MAP4K4: variants seen among roughly 807,000 people sequenced by gnomAD.
MAP4K4 encodes mitogen-activated protein kinase kinase kinase kinase 4.
MAP4K4 carries 38 observed loss-of-function variants against 189.6 expected under a neutral mutation model. That is an observed-to-expected ratio of 0.20 (90% CI 0.15 to 0.26). The LOEUF (loss-of-function observed/expected upper bound fraction) is 0.26, where lower values mean the gene tolerates loss of function less well. MAP4K4 is among the 10% of genes least tolerant of loss of function. The pLI is 1.00. For missense variants in MAP4K4, 1,054 were observed against 1,726.9 expected (o/e 0.61, Z 6.91); for synonymous variants, 610 against 624.3 (o/e 0.98, Z 0.34).
At chr2:101,876,959 C>G (rs779931026) in intron 26 of MAP4K4, 44 bp from the exon 27 acceptor site, 1 of 1,606,592 alleles carries the variant, frequency 6.2e-7, no homozygotes, top group Non-Finnish European at 8.5e-7. Context: ...GGGGATTTGC[C>G]AAGCACAGCA....
chr2:101,817,397 T>C (rs2095794099), intron 3 of MAP4K4, among the ~76,000 whole-genome samples: 1 of 152,174 alleles, frequency 6.6e-6, no homozygotes, highest in Non-Finnish European at 1.5e-5. Flanking sequence ...TCCTTGTGGG[T>C]CATTCAGGCA....
At chr2:101,831,139 A>G (rs548394623) in intron 6 of MAP4K4, among the ~76,000 whole-genome samples, 1 of 152,292 alleles carries the variant, frequency 6.6e-6, no homozygotes, top group South Asian at 2.1e-4. Flanking sequence ...ACTTTCCTCT[A>G]GACCACCACC....
chr2:101,894,665 C>T (rs996817729), exon 33 of MAP4K4: 2 of 151,956 alleles, frequency 1.3e-5, no homozygotes, highest in African/African-American at 4.8e-5. Context: ...CCCTTTTTTC[C>T]TTAAATAAAG....
At chr2:101,874,169 A>G (rs1027621147) in exon 26 of MAP4K4, 1 of 1,613,850 alleles carries the variant, frequency 6.2e-7, no homozygotes, top group Non-Finnish European at 8.5e-7. Flanking sequence ...AATCCTACCA[A>G]CACTAGGCCA....
chr2:101,804,881 C>G (rs1575849012), intron 3 of MAP4K4, among the ~76,000 whole-genome samples: 1 of 151,936 alleles, frequency 6.6e-6, no homozygotes, highest in Non-Finnish European at 1.5e-5. Context: ...GGAGGCCAGC[C>G]TGGCCAATGT....
At chr2:101,766,762 A>G (rs539605526) in intron 2 of MAP4K4, among the ~76,000 whole-genome samples, 12 of 152,256 alleles carry the variant, frequency 7.9e-5, no homozygotes, top group African/African-American at 2.6e-4. Flanking sequence ...TGTCTTTTGC[A>G]TAGGTTGAGG....
intron 2 of MAP4K4, among the ~76,000 whole-genome samples, chr2:101,713,292 T>G (rs1198190996): frequency 6.6e-6 from 1 of 152,100 alleles, no homozygotes; most frequent in African/African-American, 2.4e-5. Flanking sequence ...CAGTGATCAA[T>G]TAAAAAATTT....
chr2:101,861,323 A>AG (rs1215779031), intron 16 of MAP4K4: 4 of 190,030 alleles, frequency 2.1e-5, no homozygotes, highest in Non-Finnish European at 4.3e-5. Flanking sequence ...AAATACATAG[A>AG]GGGAGAGCCA....
In MAP4K4 at chr2:101,794,298, A is replaced by G. The variant is rs959259493; in HGVS notation, c.180+3522A>G. On this transcript the variant is annotated intron_variant, in intron 3 of 32. Coordinates refer to ENST00000324219, the Ensembl canonical transcript of MAP4K4. ...TAAAATCTTGCATAACTATAGTACA[A>G]TATTATAACTTAAGTACATGCACAA... Among the ~76,000 whole-genome samples, 5 of 152,330 alleles carry G rather than the reference A, an allele frequency of 3.3e-5. No homozygotes were observed. In the East Asian group the frequency reaches 7.7e-4, roughly 24 times the overall value.
At chr2:101,851,834 C>A (rs1011608730) in intron 12 of MAP4K4, among the ~76,000 whole-genome samples, 1 of 139,620 alleles carries the variant, frequency 7.2e-6, no homozygotes, top group Non-Finnish European at 1.5e-5. Flanking sequence ...AGATTTACCA[C>A]TTTCCACATT....
At chr2:101,877,499 C>T (rs1468890106) in intron 27 of MAP4K4, among the ~76,000 whole-genome samples, 14 of 139,300 alleles carry the variant, frequency 1.0e-4, no homozygotes, top group Admixed American at 8.6e-4. Context: ...TTTTTTGAGA[C>T]GGAGTCTTGC....
In MAP4K4 at chr2:101,870,362, G is replaced by A. The variant is rs200928764; in HGVS notation, c.2707G>A (p.Glu903Lys). The change falls in exon 23 of 33, where the codon GAA becomes AAA. Residue 903 changes from glutamate to lysine, a missense_variant. Physicochemically the swap from Glu to Lys is moderately conservative, Grantham distance 56. Coordinates refer to ENST00000324219, the Ensembl canonical transcript of MAP4K4. ...AACCATGATTGTCCATGATGATGTA[G>A]AAAGTGAGCCGGCCATGACCCCATC... is the stretch of plus-strand genomic sequence containing the variant. 518 of 1,613,584 alleles carry A rather than the reference G, an allele frequency of 3.2e-4. 1 individual carries two copies. Among genetic ancestry groups the A allele is most frequent in the Non-Finnish European group, 6.1e-5 (72 of 1,179,790 alleles).
intron 2 of MAP4K4, among the ~76,000 whole-genome samples, chr2:101,698,779 C>T (rs2036244164): frequency 6.6e-6 from 1 of 152,220 alleles, no homozygotes; most frequent in Non-Finnish European, 1.5e-5. Flanking sequence ...CTTAGGCATG[C>T]ACTTTACTTC....
At chr2:101,768,603 C>T (rs970661734) in intron 2 of MAP4K4, among the ~76,000 whole-genome samples, 4 of 152,092 alleles carry the variant, frequency 2.6e-5, no homozygotes, top group Admixed American at 6.5e-5. Flanking sequence ...TTACCCATCC[C>T]CCAAATAACA....
intron 31 of MAP4K4, among the ~76,000 whole-genome samples, chr2:101,888,580 T>C (rs1472598172): frequency 6.6e-6 from 1 of 152,104 alleles, no homozygotes; most frequent in East Asian, 1.9e-4. Context: ...GAAAATGAAA[T>C]AGATCAACCA....
At chr2:101,868,891 A>G (rs192769339) in intron 21 of MAP4K4, among the ~76,000 whole-genome samples, 255 of 152,140 alleles carry the variant, frequency 1.7e-3, no homozygotes, top group Non-Finnish European at 2.5e-3. Flanking sequence ...AAATGTATAT[A>G]CACAGATCCT....
At chr2:101,735,959 T>C (rs1160575482) in intron 2 of MAP4K4, among the ~76,000 whole-genome samples, 1 of 152,214 alleles carries the variant, frequency 6.6e-6, no homozygotes, top group African/African-American at 2.4e-5. Context: ...GTCTGTTTCC[T>C]ACAGCCTTCT....
chr2:101,795,466 G>A (rs2093590406), intron 3 of MAP4K4, among the ~76,000 whole-genome samples: 1 of 152,130 alleles, frequency 6.6e-6, no homozygotes, highest in African/African-American at 2.4e-5. Flanking sequence ...TAATCAAGTT[G>A]TACCATATTT....
intron 23 of MAP4K4, 193 bp downstream of exon 23, chr2:101,870,608 C>T (rs1380533436): frequency 1.3e-5 from 8 of 620,214 alleles, no homozygotes; most frequent in Admixed American, 3.1e-5. Flanking sequence ...AGCGAGTAGT[C>T]TCCACCCCAC....
Sources: allele counts gnomAD v4.1 joint callset (sites outside exome capture counted in the v4.1 genomes callset), GRCh38; gene constraint gnomAD v4.1.1; transcripts MANE v1.5; gene names NCBI Gene and HGNC (gene_info 2026-07-23, HGNC 2026-07-21).